The following SSU72 variants were observed in gnomAD, a reference collection of about 807,000 sequenced individuals.
SSU72 encodes RNA polymerase II subunit A C-terminal domain phosphatase SSU72.
SSU72 carries 12 observed loss-of-function variants against 22.7 expected under a neutral mutation model. That is an observed-to-expected ratio of 0.53 (90% CI 0.34 to 0.86). The LOEUF (loss-of-function observed/expected upper bound fraction) is 0.86, where lower values mean the gene tolerates loss of function less well. SSU72 is among the 40% of genes least tolerant of loss of function. The pLI is 0.02. For synonymous variants in SSU72, 116 were observed against 98.3 expected (o/e 1.18, Z -1.06); for missense variants, 151 against 249.8 (o/e 0.60, Z 2.67).
At chr1:1,551,225 G>A (rs1642452193) in intron 2 of SSU72, among the ~76,000 whole-genome samples, 1 of 152,170 alleles carries the variant, frequency 6.6e-6, no homozygotes, top group Non-Finnish European at 1.5e-5. Flanking sequence ...CAGAGGCTGC[G>A]GGAGGTATAA....
chr1:1,567,903 ACT>A (rs944227101), intron 1 of SSU72, among the ~76,000 whole-genome samples: 5 of 94,670 alleles, frequency 5.3e-5, no homozygotes, highest in African/African-American at 1.9e-4. Context: ...ACAGAGCGAT[ACT>A]CTGTTTCAAA....
intron 3 of SSU72, 26 bp from the exon 4 acceptor site, chr1:1,544,013 G>T (rs201711680): frequency 1.8e-5 from 29 of 1,573,056 alleles, no homozygotes; most frequent in South Asian, 7.8e-5. Flanking sequence ...TGACACAGAC[G>T]TCAGAGGCTC....
intron 2 of SSU72, chr1:1,564,536 C>T: frequency 1.9e-6 from 3 of 1,550,304 alleles, no homozygotes; most frequent in South Asian, 2.4e-5. Context: ...TGAACCACGT[C>T]AGGGTGAACC....
chr1:1,550,669 C>A (rs1033695946), intron 2 of SSU72, among the ~76,000 whole-genome samples: 3 of 152,180 alleles, frequency 2.0e-5, no homozygotes, highest in Non-Finnish European at 4.4e-5. Flanking sequence ...TCTCGCCTGG[C>A]AGAGCCTCAA....
Position 1,554,659 on chromosome 1 carries a change from G to T in SSU72, c.225-9657C>A, listed in dbSNP as rs991266125. 6.6e-6 allele frequency among the ~76,000 whole-genome samples: 1 copy of T among 152,108 alleles called. No individual in the cohort carries two copies. The highest frequency in any genetic ancestry group is 1.5e-5 in the Non-Finnish European group (1 of 68,008). Reference sequence around the variant, plus strand: ...ACACTACCCTGCTATGAGTCACCAGGGACTTGAAAGGGAACCCACAGGCAC... The same window carrying T: ...ACACTACCCTGCTATGAGTCACCAGTGACTTGAAAGGGAACCCACAGGCAC... On this transcript the variant is annotated intron_variant, in intron 2 of 4. Coordinates refer to ENST00000291386, the MANE Select transcript of SSU72 (RefSeq NM_014188.3). The surrounding 1 kb of genome is among the most constrained non-coding windows in gnomAD (Gnocchi z 4.1).
chr1:1,562,091 C>T (rs1457850207), intron 2 of SSU72: 1 of 152,260 alleles, frequency 6.6e-6, no homozygotes, highest in Non-Finnish European at 1.5e-5. Flanking sequence ...CAGGCTCATC[C>T]TCTGCCTATA....
intron 2 of SSU72, among the ~76,000 whole-genome samples, chr1:1,559,493 C>T (rs1642559376): frequency 6.6e-6 from 1 of 152,160 alleles, no homozygotes; most frequent in South Asian, 2.1e-4. Context: ...GGTCAGTCCA[C>T]CCAAGGAAAG....
rs1233131657 is a variant in SSU72, at chr1:1,543,996, G to A, written c.365-9C>T. 1.2e-6 allele frequency: 2 copies of A among 1,603,208 alleles called. No homozygotes were observed. The highest frequency in any genetic ancestry group is 2.2e-5 in the East Asian group (1 of 44,772). Reference sequence around the variant, plus strand: ...TTCTCTGGAATTCAGATCTGATTGGGACAAGGTGACACAGACGTCAGAGGC... The same window carrying A: ...TTCTCTGGAATTCAGATCTGATTGGAACAAGGTGACACAGACGTCAGAGGC... On this transcript the variant is annotated splice_polypyrimidine_tract_variant and intron_variant, in intron 3 of 4. Coordinates refer to ENST00000291386, the MANE Select transcript of SSU72 (RefSeq NM_014188.3).
At chr1:1,572,100 T>C (rs1038852059) in intron 1 of SSU72, among the ~76,000 whole-genome samples, 11 of 149,302 alleles carry the variant, frequency 7.4e-5, no homozygotes, top group African/African-American at 1.7e-4. Context: ...CAGCCCTAAA[T>C]AGAATTTTTA....
At chr1:1,572,877 T>TGTG (rs796312529) in intron 1 of SSU72, among the ~76,000 whole-genome samples, 3 of 83,670 alleles carry the variant, frequency 3.6e-5, no homozygotes, top group Non-Finnish European at 5.5e-5. Context: ...AATTTTGTCT[T>TGTG]GGGGGGGGGG....
intron 1 of SSU72, among the ~76,000 whole-genome samples, chr1:1,566,224 C>G (rs1417158415): frequency 2.6e-5 from 4 of 152,260 alleles, no homozygotes; most frequent in Admixed American, 2.6e-4. Flanking sequence ...GAGATCTCAC[C>G]ACTGCACTCC....
intron 2 of SSU72, among the ~76,000 whole-genome samples, chr1:1,553,245 G>A (rs1043290071): frequency 8.5e-5 from 13 of 152,100 alleles, no homozygotes; most frequent in East Asian, 3.9e-4. Context: ...AAGGGTCTCC[G>A]GCTCGGCCCC....
In SSU72 at chr1:1,564,935, G is replaced by C. The variant is rs1553132270; in HGVS notation, c.81-19C>G. On this transcript the variant is annotated intron_variant, in intron 1 of 4. Transcript: ENST00000291386. ...CCGTTTGCTGAAAGACAAAAGGAGA[G>C]AAAGAATCACAGTCACACTAAGACA... 6 of 1,576,778 alleles carry C rather than the reference G, an allele frequency of 3.8e-6. No homozygotes were observed. The African/African-American group carries it at 8.1e-5, about 21-fold the overall frequency.
At chr1:1,574,432 C>T in intron 1 of SSU72, 46 bp downstream of exon 1, 5 of 1,549,722 alleles carry the variant, frequency 3.2e-6, no homozygotes, top group Non-Finnish European at 4.4e-6. Flanking sequence ...GAGGGAGGGC[C>T]GGTCGCCGGA....
At chr1:1,564,307 C>A in intron 2 of SSU72, 1 of 588,678 alleles carries the variant, frequency 1.7e-6, no homozygotes, top group South Asian at 2.7e-5. Context: ...GCTTGGTTAG[C>A]AAGCTCCGCC....
chr1:1,569,238 A>G (rs1316815034), intron 1 of SSU72, among the ~76,000 whole-genome samples: 1 of 152,168 alleles, frequency 6.6e-6, no homozygotes, highest in Non-Finnish European at 1.5e-5. Flanking sequence ...AAACAAACAA[A>G]AAACCTAACT....
At position 1,574,565 on chromosome 1, in the gene SSU72, G is replaced by A. The variant is rs764911805; in HGVS notation, c.-8C>T. Reference sequence around the variant, plus strand: ...CAGCGGGGACGACGGCATGGCGGCGGCCGCAAATCCCGCGGCTCTCCCGCT... The same window carrying A: ...CAGCGGGGACGACGGCATGGCGGCGACCGCAAATCCCGCGGCTCTCCCGCT... On this transcript the variant is annotated 5_prime_UTR_variant, in exon 1 of 5. Coordinates refer to ENST00000291386, the MANE Select transcript of SSU72 (RefSeq NM_014188.3). 6.9e-6 allele frequency: 11 copies of A among 1,583,044 alleles called. No individual in the cohort carries two copies. The highest frequency in any genetic ancestry group is 1.7e-4 in the Middle Eastern group (1 of 5,984).
chr1:1,551,445 G>T (rs949605082), intron 2 of SSU72, among the ~76,000 whole-genome samples: 1 of 152,180 alleles, frequency 6.6e-6, no homozygotes, highest in Non-Finnish European at 1.5e-5. Context: ...AGCTGCTTTT[G>T]TTGGGCTACA....
At chr1:1,550,762 C>G (rs181019689) in intron 2 of SSU72, among the ~76,000 whole-genome samples, 49 of 152,288 alleles carry the variant, frequency 3.2e-4, no homozygotes, top group African/African-American at 1.1e-3. Flanking sequence ...CCTGCCGGAG[C>G]CAGGGACCAT....
Sources: gnomAD v4.1 joint callset for allele counts (sites outside exome capture counted in the v4.1 genomes callset) on GRCh38, gnomAD v4.1.1 for gene constraint, Gnocchi (gnomAD v3.1) non-coding constraint, MANE v1.5 for transcripts, NCBI Gene and HGNC (gene_info 2026-07-23, HGNC 2026-07-21) for gene names.